Variants in SLC35E4 observed in about 807,000 individuals in gnomAD.
SLC35E4 encodes solute carrier family 35 member E4, also known as solute carrier family 35, member E4.
A neutral mutation model predicts 19.3 loss-of-function variants in SLC35E4; 15 were observed. That is an observed-to-expected ratio of 0.78 (90% confidence interval 0.52 to 1.20). SLC35E4 has a LOEUF of 1.20. SLC35E4 is among the 50% of genes most tolerant of loss of function. SLC35E4 has a pLI of 0.00. For synonymous variants in SLC35E4, 219 were observed against 219.9 expected (o/e 1.00, Z 0.04); for missense variants, 406 against 472.3 (o/e 0.86, Z 1.30).
exon 3 of SLC35E4, chr22:30,662,273 G>C (rs1162933267): frequency 1.3e-5 from 2 of 152,208 alleles, no homozygotes; most frequent in African/African-American, 4.8e-5. Context: ...TGAGAAAAGG[G>C]CTGTCATTGG....
chr22:30,666,772 C>T (rs2088687361), downstream of SLC35E4: 1 of 151,990 alleles, frequency 6.6e-6, no homozygotes, highest in Non-Finnish European at 1.5e-5. Context: ...CAATTACAGG[C>T]AGACAGAGCT....
Position 30,653,663 on chromosome 22 carries a change from C to G in SLC35E4, c.*8+4410C>G, listed in dbSNP as rs7290799. Among the ~76,000 whole-genome samples the G allele has an allele frequency of 3.8e-3, 582 of 152,200 alleles. 2 individuals carry two copies. Among genetic ancestry groups the G allele is most frequent in the African/African-American group, 0.013 (531 of 41,518 alleles). Reference sequence around the variant, plus strand: ...TGCTTGGGATACAGCCCTGAGCCACCACGCCTGGCCGCCTCCCTTCTCTAA... The same window carrying G: ...TGCTTGGGATACAGCCCTGAGCCACGACGCCTGGCCGCCTCCCTTCTCTAA... On this transcript the variant is annotated intron_variant, in intron 2 of 2. Coordinates refer to the SLC35E4 transcript ENST00000406566.
intron 1 of SLC35E4, among the ~76,000 whole-genome samples, chr22:30,642,865 TA>T (rs35651094): frequency 6.7e-6 from 1 of 149,668 alleles, no homozygotes; most frequent in Admixed American, 6.7e-5. Context: ...CCGTCTCTAC[TA>T]AAAAATACAA....
intron 1 of SLC35E4, among the ~76,000 whole-genome samples, chr22:30,640,132 C>T (rs991404258): frequency 1.8e-4 from 27 of 152,260 alleles, no homozygotes; most frequent in African/African-American, 6.3e-4. Flanking sequence ...TCCCTGACTT[C>T]CCGCAACAGA....
intron 2 of SLC35E4, among the ~76,000 whole-genome samples, chr22:30,655,074 C>T (rs775163714): frequency 6.6e-6 from 1 of 152,080 alleles, no homozygotes; most frequent in Non-Finnish European, 1.5e-5. Context: ...ATTCTCTGCT[C>T]CCTACACTGC....
At chr22:30,638,501 CAAAAAAAAAAAAAAA>C (rs33962458) in intron 1 of SLC35E4, among the ~76,000 whole-genome samples, 1 of 64,132 alleles carries the variant, frequency 1.6e-5, no homozygotes, top group Middle Eastern at 0.014. Flanking sequence ...GACTCCATCT[CAAAAAAAAAAAAAAA>C]AAAAAAAAAA....
At chr22:30,659,495 TC>T (rs1283018699) in intron 2 of SLC35E4, among the ~76,000 whole-genome samples, 3 of 151,922 alleles carry the variant, frequency 2.0e-5, no homozygotes, top group Non-Finnish European at 4.4e-5. Context: ...CGCCTCAGCC[TC>T]CCGGGTAGCT....
chr22:30,660,447 A>G (rs903904737), intron 2 of SLC35E4, among the ~76,000 whole-genome samples: 1 of 152,168 alleles, frequency 6.6e-6, no homozygotes, highest in African/African-American at 2.4e-5. Context: ...AGCTGGGACT[A>G]CAGGTGCATG....
intron 1 of SLC35E4, among the ~76,000 whole-genome samples, chr22:30,640,467 C>T (rs1202901705): frequency 6.6e-6 from 1 of 152,130 alleles, no homozygotes; most frequent in Non-Finnish European, 1.5e-5. Context: ...TATGTGACTC[C>T]AGATGCTGGC....
chr22:30,668,158 C>G (rs1477038961), downstream of SLC35E4: 2 of 162,084 alleles, frequency 1.2e-5, no homozygotes, highest in African/African-American at 2.4e-5. Flanking sequence ...CACAGGGGAC[C>G]TGAGATCCTC....
At chr22:30,660,311 A>ATT (rs35517267) in intron 2 of SLC35E4, among the ~76,000 whole-genome samples, 15 of 151,112 alleles carry the variant, frequency 9.9e-5, no homozygotes, top group East Asian at 1.9e-4. Context: ...AGAGAAAAAA[A>ATT]TTTTTTTTTT....
chr22:30,668,189 C>G (rs1219548908), downstream of SLC35E4: 1 of 157,042 alleles, frequency 6.4e-6, no homozygotes, highest in Non-Finnish European at 1.5e-5. Flanking sequence ...GGGACCGGCG[C>G]CACCTCGGGC....
In SLC35E4 at chr22:30,661,222, T is replaced by C. The variant is rs369593760; in HGVS notation, c.*9-838T>C. ...CACCCCCCCGCCAAGTGAAATATAG[T>C]TTGAGACCCATTCATGGATCTCAAA... On this transcript the variant is annotated intron_variant, in intron 2 of 2. Coordinates refer to the SLC35E4 transcript ENST00000406566. Among the ~76,000 whole-genome samples, 12 of 152,182 alleles carry C rather than the reference T, an allele frequency of 7.9e-5. No homozygotes were observed. The East Asian group carries it at 2.1e-3, about 27-fold the overall frequency.
At chr22:30,653,668 C>G (rs571844301) in intron 2 of SLC35E4, among the ~76,000 whole-genome samples, 4 of 152,246 alleles carry the variant, frequency 2.6e-5, no homozygotes, top group Non-Finnish European at 5.9e-5. Context: ...GCCACCACGC[C>G]TGGCCGCCTC....
downstream of SLC35E4, among the ~76,000 whole-genome samples, chr22:30,649,736 G>A (rs967704919): frequency 2.0e-5 from 3 of 149,682 alleles, no homozygotes; most frequent in East Asian, 1.9e-4. Flanking sequence ...AATCCTCCTC[G>A]GTGACTCAGG....
chr22:30,662,663 T>C (rs1466309433), exon 3 of SLC35E4: 3 of 151,424 alleles, frequency 2.0e-5, no homozygotes, highest in Non-Finnish European at 2.9e-5. Context: ...CTCATCTCTA[T>C]AAAAAAAGAA....
intron 2 of SLC35E4, among the ~76,000 whole-genome samples, chr22:30,653,374 CTTTTT>C (rs892435016): frequency 7.0e-6 from 1 of 142,574 alleles, no homozygotes; most frequent in African/African-American, 2.6e-5. Context: ...CTTCCTCCTT[CTTTTT>C]TTTTTTTTTT....
rs773019900 is a variant in SLC35E4 at position 30,636,547 on chromosome 22, TGGCCCCCTGGCAGCCCTCAGGCCCTCC to T, written c.101_127del (p.Pro34_Arg42del). 2.4e-5 allele frequency: 38 copies of T among 1,562,532 alleles called. No individual in the cohort carries two copies. The highest frequency in any genetic ancestry group is 3.3e-4 in the Middle Eastern group (2 of 5,980). On this transcript the variant is annotated inframe_deletion, in exon 1 of 2. Transcript: ENST00000343605. ...TGCTCAGGCGGCTGGGCCCCCCGAG[TGGCCCCCTGGCAGCCCTCAGGCCCTCC>T]GGCAGCCTGGCCGGGCCCGAGTGGC...
At chr22:30,648,581 G>A (rs1365168758), downstream of SLC35E4, among the ~76,000 whole-genome samples, 5 of 152,206 alleles carry the variant, frequency 3.3e-5, no homozygotes, top group Non-Finnish European at 5.9e-5. Context: ...CTGAAACACC[G>A]TCTCTATTAA....
Sources: allele counts gnomAD v4.1 joint callset (sites outside exome capture counted in the v4.1 genomes callset), GRCh38; gene constraint gnomAD v4.1.1; transcripts MANE v1.5; gene names NCBI Gene and HGNC (gene_info 2026-07-23, HGNC 2026-07-21).